Variants in EDEM1 observed in about 807,000 individuals in gnomAD.
EDEM1 encodes the protein ER degradation-enhancing alpha-mannosidase-like protein 1.
A neutral mutation model predicts 74.4 loss-of-function variants in EDEM1; 67 were observed. That is an observed-to-expected ratio of 0.90 (90% confidence interval 0.74 to 1.10). The LOEUF (loss-of-function observed/expected upper bound fraction) is 1.10. Ranked by LOEUF, EDEM1 falls within the 50% of genes least tolerant of loss-of-function variation. The pLI is 0.00. For synonymous variants in EDEM1, 382 were observed against 335.9 expected (o/e 1.14, Z -1.50); for missense variants, 926 against 851.6 (o/e 1.09, Z -1.09).
chr3:5,204,202 C>G (rs1035885208), intron 5 of EDEM1, among the ~76,000 whole-genome samples: 1 of 152,156 alleles, frequency 6.6e-6, no homozygotes, highest in Admixed American at 6.5e-5. Context: ...TCCATAGACC[C>G]TTTCAGCCTG....
At chr3:5,194,739 T>C (rs1342169183) in intron 1 of EDEM1, among the ~76,000 whole-genome samples, 2 of 152,378 alleles carry the variant, frequency 1.3e-5, no homozygotes, top group South Asian at 2.1e-4. Context: ...ATGAGTAATA[T>C]TGACACTGTC....
chr3:5,213,232 C>T (rs1159072358), intron 10 of EDEM1, 87 bp from the exon 11 acceptor site: 33 of 1,328,074 alleles, frequency 2.5e-5, no homozygotes, highest in South Asian at 2.9e-5. Flanking sequence ...GCAAATTCTA[C>T]TCCCTGAGTA....
At chr3:5,206,995 T>C (rs983199242) in intron 6 of EDEM1, among the ~76,000 whole-genome samples, 158 bp from the exon 7 acceptor site, 2 of 152,238 alleles carry the variant, frequency 1.3e-5, no homozygotes, top group South Asian at 4.1e-4. Context: ...CTAATGTAGA[T>C]AATTAAAGGC....
At chr3:5,202,914 C>T (rs2055050537) in intron 4 of EDEM1, 52 bp from the exon 5 acceptor site, 30 of 1,563,064 alleles carry the variant, frequency 1.9e-5, no homozygotes, top group Non-Finnish European at 2.5e-5. Flanking sequence ...GGCTTTTCAG[C>T]TCTGTGGATT....
At chr3:5,193,071 C>A (rs756519533) in intron 1 of EDEM1, among the ~76,000 whole-genome samples, 7 of 152,110 alleles carry the variant, frequency 4.6e-5, no homozygotes, top group African/African-American at 1.7e-4. Flanking sequence ...CAGTGAGTAC[C>A]TTCCTTCCAT....
Position 5,205,255 on chromosome 3 carries a change from A to AC in EDEM1, c.1217+15dup. On this transcript the variant is annotated intron_variant, in intron 6 of 11. Transcript: ENST00000256497. ...CTTAAGAAGAGGGTATGTCTCCCTA[A>AC]CATCTCCTCTGTTGCCTTGTAAAGC... 1 of 1,607,452 alleles carries AC rather than the reference A, an allele frequency of 6.2e-7. No individual in the cohort carries two copies. The highest frequency in any genetic ancestry group is 1.1e-5 in the South Asian group (1 of 90,422).
intron 3 of EDEM1, among the ~76,000 whole-genome samples, chr3:5,200,988 CT>C (rs1216527710): frequency 6.6e-6 from 1 of 151,440 alleles, no homozygotes; most frequent in Non-Finnish European, 1.5e-5. Flanking sequence ...CCTTGAACTC[CT>C]GGGCTCAAGC....
Position 5,215,841 on chromosome 3 carries a change from C to G in EDEM1, c.1897C>G (p.Pro633Ala). Residue 633 changes from proline (P) to alanine (A), a missense_variant, in exon 12 of 12, where the codon CCT becomes GCT. Coordinates refer to ENST00000256497, the MANE Select transcript of EDEM1 (RefSeq NM_014674.3). ...TTTGTCTTTCTAGTGCAATCGTGTA[C>G]CTGATGAGAGGAGGTACTCCCTGCC... ...INSSSNCNRV[P>A]DERRYSLPLK... 6.2e-7 allele frequency: 1 copy of G among 1,612,768 alleles called. No homozygotes were observed. Among genetic ancestry groups the G allele is most frequent in the Non-Finnish European group, 8.5e-7 (1 of 1,179,450 alleles).
intron 6 of EDEM1, among the ~76,000 whole-genome samples, chr3:5,206,918 C>G (rs545789857): frequency 2.0e-5 from 3 of 152,294 alleles, no homozygotes; most frequent in Admixed American, 6.5e-5. Flanking sequence ...ACTGTGAAAT[C>G]CTGACATATT....
In EDEM1 at chr3:5,201,893, A is replaced by G. The variant is rs770453597; in HGVS notation, c.827A>G (p.Glu276Gly). 1.4e-5 allele frequency: 22 copies of G among 1,613,980 alleles called. No homozygotes were observed. The highest frequency in any genetic ancestry group is 1.9e-5 in the Non-Finnish European group (22 of 1,180,022). ...GCGGTGCGGCTCCTCCCTGCTTTTG[A>G]AAACACCAAGACAGGGATTCCATAT... ...DLAVRLLPAF[E>G]NTKTGIPYPR... is the part of the protein sequence containing the mutation. Residue 276 changes from glutamate (E) to glycine (G), a missense_variant, in exon 4 of 12, where the codon GAA becomes GGA. Glu to Gly is a moderately conservative substitution (Grantham distance 98, BLOSUM62 -2). Transcript: ENST00000256497.
At position 5,188,256 on chromosome 3, in the gene EDEM1, C is replaced by G; in HGVS notation, c.451C>G (p.Pro151Ala). The G allele has an allele frequency of 6.3e-7, 1 of 1,577,074 alleles. No individual in the cohort carries two copies. The highest frequency in any genetic ancestry group is 8.6e-7 in the Non-Finnish European group (1 of 1,163,992). The stretch of plus-strand genomic sequence containing the variant: ...CGACAACTACATGGCTCACGCCTTC[C>G]CCCAGGACGAGCTCAACCCCATCCA... ...GYDNYMAHAF[P>A]QDELNPIHCR... The change falls in exon 1 of 12, where the codon CCC (proline) becomes GCC (alanine). Residue 151 changes from proline (P) to alanine (A), a missense_variant. Physicochemically the swap from Pro to Ala is conservative, Grantham distance 27. Coordinates refer to ENST00000256497, the MANE Select transcript of EDEM1 (RefSeq NM_014674.3).
chr3:5,191,473 T>TGAA (rs1325411995), intron 1 of EDEM1, among the ~76,000 whole-genome samples: 2 of 151,964 alleles, frequency 1.3e-5, no homozygotes, highest in Non-Finnish European at 2.9e-5. Flanking sequence ...CCTCAAGCAG[T>TGAA]CTTCCCGCCT....
In EDEM1 at chr3:5,187,819, C is replaced by T. The variant is rs2106580735; in HGVS notation, c.14C>T (p.Ala5Val). Reference sequence around the variant, plus strand: ...GCCCGCGCGACCATGCAATGGCGAGCGCTCGTCCTGGGGCTGGTGCTCCTC... The same window carrying T: ...GCCCGCGCGACCATGCAATGGCGAGTGCTCGTCCTGGGGCTGGTGCTCCTC... MQWR[A>V]LVLGLVLLRL... Residue 5 changes from alanine to valine, a missense_variant, in exon 1 of 12, where the codon GCG becomes GTG. By Grantham distance (64) the Ala-to-Val change is moderately conservative. Transcript: ENST00000256497. 7.6e-6 allele frequency: 12 copies of T among 1,581,800 alleles called. No individual in the cohort carries two copies. Among genetic ancestry groups the T allele is most frequent in the Non-Finnish European group, 9.4e-6 (11 of 1,165,544 alleles).
Position 5,213,324 on chromosome 3 carries a change from T to A in EDEM1, c.1686T>A (p.Phe562Leu). ...SETCKYLYLL[F>L]DEDNPVHKSG... ...TTTTTCTCCGTTCCCTCTAGCTGTT[T>A]GATGAAGACAATCCAGTACACAAGT... Residue 562 changes from phenylalanine (F) to leucine (L), a missense_variant, in exon 11 of 12, where the codon TTT (phenylalanine) becomes TTA (leucine). Physicochemically the swap from Phe to Leu is conservative, Grantham distance 22. Transcript: ENST00000256497. The A allele has an allele frequency of 6.2e-7, 1 of 1,613,008 alleles. No individual in the cohort carries two copies. Among genetic ancestry groups the A allele is most frequent in the Non-Finnish European group, 8.5e-7 (1 of 1,179,462 alleles).
Position 5,203,009 on chromosome 3 carries a change from C to A in EDEM1, c.902C>A (p.Thr301Lys), listed in dbSNP as rs1426142155. The change falls in exon 5 of 12, where the codon ACA (threonine) becomes AAA (lysine). Residue 301 changes from threonine to lysine, a missense_variant. Transcript: ENST00000256497. ...TGVPPDTNNE[T>K]CTAGAGSLLV... is the part of the protein sequence containing the mutation. ...GTTCCTCCTGACACCAATAATGAGA[C>A]ATGCACAGCGGGAGCCGGTTCCCTC... is the stretch of plus-strand genomic sequence containing the variant. The A allele has an allele frequency of 6.2e-7, 1 of 1,613,840 alleles. No homozygotes were observed. Among genetic ancestry groups the A allele is most frequent in the Non-Finnish European group, 8.5e-7 (1 of 1,179,934 alleles).
At chr3:5,213,548 T>A in intron 11 of EDEM1, 26 bp downstream of exon 11, 1 of 1,580,954 alleles carries the variant, frequency 6.3e-7, no homozygotes, top group Non-Finnish European at 8.6e-7. Context: ...CAGGGGTGAT[T>A]TGCATATAGA....
intron 2 of EDEM1, among the ~76,000 whole-genome samples, chr3:5,197,588 A>C (rs1401486075): frequency 6.6e-6 from 1 of 152,214 alleles, no homozygotes; most frequent in Non-Finnish European, 1.5e-5. Context: ...ATCTGTAAGG[A>C]AACAGACTCA....
At chr3:5,189,320 G>A (rs561550123) in intron 1 of EDEM1, 2 of 152,252 alleles carry the variant, frequency 1.3e-5, no homozygotes, top group African/African-American at 2.4e-5. Context: ...CAGTCCTTAG[G>A]TTCTGATAAG....
chr3:5,193,936 G>T (rs1172956051), intron 1 of EDEM1, among the ~76,000 whole-genome samples: 1 of 152,184 alleles, frequency 6.6e-6, no homozygotes, highest in African/African-American at 2.4e-5. Flanking sequence ...AGATTAGATG[G>T]TGTAACAGCA....
Sources: gnomAD v4.1 joint callset for allele counts (sites outside exome capture counted in the v4.1 genomes callset) on GRCh38, gnomAD v4.1.1 for gene constraint, MANE v1.5 for transcripts, NCBI Gene and HGNC (gene_info 2026-07-23, HGNC 2026-07-21) for gene names.